The following DAB1 variants were observed in gnomAD, a reference collection of about 807,000 sequenced individuals.
DAB1 encodes the protein disabled homolog 1.
DAB1 carries 15 observed loss-of-function variants against 64.6 expected under a neutral mutation model. That is an observed-to-expected ratio of 0.23 (90% confidence interval 0.16 to 0.36). The LOEUF (loss-of-function observed/expected upper bound fraction) is 0.36. Ranked by LOEUF, DAB1 falls within the 10% of genes least tolerant of loss-of-function variation. The probability of loss-of-function intolerance (pLI) is 1.00; values close to 1 mark genes in which losing one functional copy is unlikely to be tolerated. For synonymous variants in DAB1, 235 were observed against 251.9 expected (o/e 0.93, Z 0.64); for missense variants, 596 against 706.7 (o/e 0.84, Z 1.78).
intron 3 of DAB1, among the ~76,000 whole-genome samples, chr1:58,375,410 A>G (rs1170451242): frequency 1.5e-5 from 2 of 134,260 alleles, no homozygotes; most frequent in African/African-American, 5.7e-5. Context: ...AATTTTGTCA[A>G]AGGCTTTTTC....
chr1:57,774,726 T>C (rs1451522643), intron 6 of DAB1, among the ~76,000 whole-genome samples: 1 of 151,824 alleles, frequency 6.6e-6, no homozygotes, highest in East Asian at 1.9e-4. Context: ...TTTCAAATTA[T>C]CAACCAATGT....
chr1:57,261,078 C>T (rs1044407481), intron 2 of DAB1, among the ~76,000 whole-genome samples: 2 of 152,034 alleles, frequency 1.3e-5, no homozygotes, highest in Admixed American at 1.3e-4. Context: ...GTAGCAAGGA[C>T]TCAATAATAG....
intron 1 of DAB1, among the ~76,000 whole-genome samples, chr1:58,529,567 G>A (rs1379257390): frequency 6.6e-6 from 1 of 152,160 alleles, no homozygotes; most frequent in South Asian, 2.1e-4. Flanking sequence ...TTTTAACAGA[G>A]TGAAAAGCAA....
chr1:58,452,151 C>T (rs1258161859), intron 3 of DAB1, among the ~76,000 whole-genome samples: 2 of 151,932 alleles, frequency 1.3e-5, no homozygotes, highest in Middle Eastern at 3.4e-3. Context: ...TCAGGCTGGT[C>T]TCGAACTCCT....
chr1:58,390,590 C>G (rs972708224), intron 3 of DAB1, among the ~76,000 whole-genome samples: 1 of 152,210 alleles, frequency 6.6e-6, no homozygotes, highest in African/African-American at 2.4e-5. Context: ...AATATAACTT[C>G]ACTGCTCCTT....
At chr1:57,056,438 A>T (rs1649767366) in intron 9 of DAB1, among the ~76,000 whole-genome samples, 1 of 149,554 alleles carries the variant, frequency 6.7e-6, no homozygotes, top group Non-Finnish European at 1.5e-5. Context: ...ACAGGAGTTT[A>T]AGGATACAGT....
chr1:57,311,465 C>T (rs527291670), intron 1 of DAB1, among the ~76,000 whole-genome samples: 1 of 152,022 alleles, frequency 6.6e-6, no homozygotes, highest in East Asian at 1.9e-4. Flanking sequence ...AGACATCAAA[C>T]TCTGTGTAGC....
At chr1:58,361,670 C>T (rs767208900) in intron 3 of DAB1, among the ~76,000 whole-genome samples, 5 of 152,042 alleles carry the variant, frequency 3.3e-5, no homozygotes, top group Non-Finnish European at 5.9e-5. Context: ...GGTGTAAGAT[C>T]GGATTCTGGC....
intron 2 of DAB1, among the ~76,000 whole-genome samples, chr1:57,156,048 C>CTGT (rs1204338620): frequency 1.3e-5 from 2 of 152,056 alleles, no homozygotes; most frequent in Admixed American, 6.5e-5. Flanking sequence ...ATGGGGAACC[C>CTGT]TGTAGGCTGC....
chr1:57,900,553 G>C (rs1243280764), intron 5 of DAB1, among the ~76,000 whole-genome samples: 1 of 152,210 alleles, frequency 6.6e-6, no homozygotes, highest in Non-Finnish European at 1.5e-5. Context: ...CGAGACTATA[G>C]GGGTCATTCT....
chr1:57,313,033 A>C (rs1434095670), intron 1 of DAB1, among the ~76,000 whole-genome samples: 1 of 152,024 alleles, frequency 6.6e-6, no homozygotes, highest in Non-Finnish European at 1.5e-5. Context: ...CTCGGAAAAG[A>C]AGGTTTTGTG....
chr1:58,121,397 C>A (rs1200813886), intron 5 of DAB1, among the ~76,000 whole-genome samples: 1 of 152,102 alleles, frequency 6.6e-6, no homozygotes, highest in Non-Finnish European at 1.5e-5. Context: ...GGCTACTTAA[C>A]ATTCTTCCCC....
chr1:57,017,748 G>A (rs890505355), intron 11 of DAB1, among the ~76,000 whole-genome samples: 2 of 152,140 alleles, frequency 1.3e-5, no homozygotes, highest in Non-Finnish European at 2.9e-5. Flanking sequence ...GGGTGAAGAG[G>A]CCCTGGAGCT....
intron 3 of DAB1, chr1:58,474,081 A>ATT: frequency 2.1e-6 from 1 of 470,978 alleles, no homozygotes; most frequent in Non-Finnish European, 4.1e-6. Flanking sequence ...GGAATCACCA[A>ATT]TAAAGCATCA....
At chr1:57,911,011 A>G (rs1644636359) in intron 5 of DAB1, among the ~76,000 whole-genome samples, 1 of 152,262 alleles carries the variant, frequency 6.6e-6, no homozygotes, top group Admixed American at 6.5e-5. Flanking sequence ...ATGTAGGAGC[A>G]GCTATGATTC....
At chr1:58,130,553 T>G (rs370185432) in intron 5 of DAB1, among the ~76,000 whole-genome samples, 1 of 151,576 alleles carries the variant, frequency 6.6e-6, no homozygotes, top group Non-Finnish European at 1.5e-5. Flanking sequence ...TTCCTAGTCT[T>G]GATGGTCTTT....
At chr1:57,159,095 G>A (rs1660500125) in intron 2 of DAB1, among the ~76,000 whole-genome samples, 1 of 152,036 alleles carries the variant, frequency 6.6e-6, no homozygotes. Flanking sequence ...GACCTCATAT[G>A]CATAACCCAA....
At chr1:57,323,365 G>A (rs1353151666) in intron 1 of DAB1, among the ~76,000 whole-genome samples, 1 of 152,156 alleles carries the variant, frequency 6.6e-6, no homozygotes, top group East Asian at 1.9e-4. Context: ...GTTATAGAGG[G>A]GAAGATTATT....
At chr1:58,021,871 G>A (rs762597592) in intron 5 of DAB1, among the ~76,000 whole-genome samples, 20 of 152,212 alleles carry the variant, frequency 1.3e-4, no homozygotes, top group Admixed American at 1.3e-4. Context: ...GAGGTGGTGC[G>A]AATGTGATGA....
Sources: gnomAD v4.1 joint callset for allele counts (sites outside exome capture counted in the v4.1 genomes callset) on GRCh38, gnomAD v4.1.1 for gene constraint, MANE v1.5 for transcripts, NCBI Gene and HGNC (gene_info 2026-07-23, HGNC 2026-07-21) for gene names.